The following QTMAN variants were observed in gnomAD, a reference collection of about 807,000 sequenced individuals.
QTMAN encodes tRNA-queuosine alpha-mannosyltransferase.
the QTMAN span, among the ~76,000 whole-genome samples, chr2:144,147,286 G>A: frequency 6.6e-5 from 10 of 150,842 alleles, no homozygotes; most frequent in African/African-American, 2.4e-4. Flanking sequence ...TCTTACCAAG[G>A]AGATGCACTT....
chr2:144,313,318 T>C, the QTMAN span, among the ~76,000 whole-genome samples: 1 of 152,262 alleles, frequency 6.6e-6, no homozygotes, highest in African/African-American at 2.4e-5. Context: ...GCAGGGTTAC[T>C]TATTACCCTT....
At chr2:144,294,045 T>G in the QTMAN span, among the ~76,000 whole-genome samples, 3 of 152,224 alleles carry the variant, frequency 2.0e-5, no homozygotes, top group Non-Finnish European at 2.9e-5. Context: ...CTTGCTTACT[T>G]TCTCCAAAAC....
the QTMAN span, among the ~76,000 whole-genome samples, chr2:144,283,932 C>T: frequency 6.6e-6 from 1 of 151,668 alleles, no homozygotes. Flanking sequence ...TGAAATTTCT[C>T]CAAACCTGGA....
the QTMAN span, among the ~76,000 whole-genome samples, chr2:144,084,926 C>A: frequency 6.7e-6 from 1 of 149,470 alleles, no homozygotes; most frequent in African/African-American, 2.6e-5. Flanking sequence ...CATTCAGATT[C>A]TCAGGTTCCA....
the QTMAN span, among the ~76,000 whole-genome samples, chr2:144,150,207 CA>C: frequency 5.3e-5 from 8 of 152,052 alleles, no homozygotes; most frequent in Admixed American, 5.2e-4. Context: ...AGGCCTTTGA[CA>C]AAAGAGTAAA....
At chr2:144,217,089 T>C in the QTMAN span, among the ~76,000 whole-genome samples, 1 of 152,152 alleles carries the variant, frequency 6.6e-6, no homozygotes. Flanking sequence ...CTTCTTGAAA[T>C]GGGCTGTAAA....
chr2:144,289,984 C>T, the QTMAN span, among the ~76,000 whole-genome samples: 1 of 152,256 alleles, frequency 6.6e-6, no homozygotes, highest in South Asian at 2.1e-4. Context: ...CTGTAACCTA[C>T]TCTTGCACCA....
At chr2:144,082,253 AT>A in the QTMAN span, among the ~76,000 whole-genome samples, 1 of 152,176 alleles carries the variant, frequency 6.6e-6, no homozygotes, top group East Asian at 1.9e-4. Flanking sequence ...ATATTTCTTT[AT>A]GGAAGAAGAC....
chr2:144,209,787 T>C, the QTMAN span, among the ~76,000 whole-genome samples: 8 of 152,218 alleles, frequency 5.3e-5, no homozygotes, highest in African/African-American at 1.9e-4. Flanking sequence ...AATGCTATAT[T>C]GCTTAAAAAA....
the QTMAN span, among the ~76,000 whole-genome samples, chr2:144,165,154 G>A: frequency 6.6e-6 from 1 of 152,056 alleles, no homozygotes; most frequent in East Asian, 1.9e-4. Context: ...GGTGGATCAC[G>A]AGGTCAGGAG....
chr2:144,315,427 G>A, the QTMAN span, among the ~76,000 whole-genome samples: 2 of 152,190 alleles, frequency 1.3e-5, no homozygotes, highest in Non-Finnish European at 2.9e-5. Flanking sequence ...GGAACAATCA[G>A]CATGTCTTTT....
the QTMAN span, among the ~76,000 whole-genome samples, chr2:144,177,770 G>A: frequency 3.9e-4 from 60 of 152,122 alleles, 1 homozygote; most frequent in East Asian, 0.011. Context: ...CCACAAATGT[G>A]AACAATATAT....
chr2:143,983,110 G>T, the QTMAN span, among the ~76,000 whole-genome samples: 1 of 152,052 alleles, frequency 6.6e-6, no homozygotes, highest in Non-Finnish European at 1.5e-5. Flanking sequence ...TTGAAAGAGG[G>T]TTCAAATCCT....
At chr2:144,125,725 A>G in the QTMAN span, among the ~76,000 whole-genome samples, 11 of 152,244 alleles carry the variant, frequency 7.2e-5, no homozygotes, top group Middle Eastern at 3.4e-3. Flanking sequence ...ACCTTATTTC[A>G]TGAAAAACCA....
chr2:144,072,637 G>A, the QTMAN span, among the ~76,000 whole-genome samples: 1 of 152,100 alleles, frequency 6.6e-6, no homozygotes. Flanking sequence ...CTTGAGAAAG[G>A]GGCCTGTCCT....
At chr2:144,256,503 A>G in the QTMAN span, among the ~76,000 whole-genome samples, 1 of 152,194 alleles carries the variant, frequency 6.6e-6, no homozygotes, top group African/African-American at 2.4e-5. Flanking sequence ...CAATATAAAA[A>G]ATTATTAAGA....
chr2:144,005,454 C>G, the QTMAN span, among the ~76,000 whole-genome samples: 1 of 152,060 alleles, frequency 6.6e-6, no homozygotes, highest in Non-Finnish European at 1.5e-5. Flanking sequence ...TGTCCCCAGG[C>G]ATCAGTAAAA....
chr2:143,998,313 C>T, the QTMAN span, among the ~76,000 whole-genome samples: 1 of 152,018 alleles, frequency 6.6e-6, no homozygotes. Flanking sequence ...TAAGAACAAA[C>T]CTTAAACATT....
At chr2:143,956,077 A>G in the QTMAN span, among the ~76,000 whole-genome samples, 1 of 152,192 alleles carries the variant, frequency 6.6e-6, no homozygotes, top group Non-Finnish European at 1.5e-5. Context: ...AAGTGTCTCC[A>G]TTTACAATAC....
Sources: gnomAD v4.1 joint callset for allele counts (sites outside exome capture counted in the v4.1 genomes callset) on GRCh38, gnomAD v4.1.1 for gene constraint, MANE v1.5 for transcripts, NCBI Gene and HGNC (gene_info 2026-07-23, HGNC 2026-07-21) for gene names.